SHANK2: variants seen among roughly 807,000 people sequenced by gnomAD.
SHANK2 encodes the protein SH3 and multiple ankyrin repeat domains protein 2.
SHANK2 carries 43 observed loss-of-function variants against 133.7 expected under a neutral mutation model. The observed-to-expected ratio is 0.32, with a 90% CI of 0.25 to 0.41. The LOEUF is 0.41. Ranked by LOEUF, SHANK2 falls within the 10% of genes least tolerant of loss-of-function variation. SHANK2 has a pLI of 1.00. For missense variants in SHANK2, 1,994 were observed against 2,235.8 expected (o/e 0.89, Z 2.18); for synonymous variants, 1,017 against 952.8 (o/e 1.07, Z -1.24).
At chr11:70,729,551 G>A (rs544944385) in intron 14 of SHANK2, among the ~76,000 whole-genome samples, 22 of 148,634 alleles carry the variant, frequency 1.5e-4, no homozygotes, top group African/African-American at 5.2e-4. Flanking sequence ...TTGAGATGGA[G>A]TCTCACTCTG....
chr11:70,555,750 C>T lies in SHANK2; in HGVS notation c.2062-52819G>A, dbSNP rs537489833. Among the ~76,000 whole-genome samples the T allele has an allele frequency of 3.9e-5, 6 of 152,190 alleles. No homozygotes were observed. The East Asian group carries it at 7.7e-4, about 20-fold the overall frequency. On this transcript the variant is annotated intron_variant, in intron 17 of 25. Transcript: ENST00000601538. Reference sequence around the variant, plus strand: ...CAAAAGAACAACAACAACAAAAAAGCGCTACTCCAGTGAACATACAAATTA... The same window carrying T: ...CAAAAGAACAACAACAACAAAAAAGTGCTACTCCAGTGAACATACAAATTA...
chr11:71,252,687 A>T (rs1462926929), upstream of SHANK2: 1 of 150,094 alleles, frequency 6.7e-6, no homozygotes, highest in Non-Finnish European at 1.5e-5. This position sits in a 1 kb window ranked among gnomAD's most constrained non-coding sequence, Gnocchi z 6.3. Flanking sequence ...CCCGACCTGG[A>T]CCCCCACCCC....
At chr11:70,689,646 T>G (rs1945233335) in intron 15 of SHANK2, among the ~76,000 whole-genome samples, 1 of 152,172 alleles carries the variant, frequency 6.6e-6, no homozygotes. Flanking sequence ...ACAGGAACAT[T>G]GAATAATGAG....
intron 11 of SHANK2, among the ~76,000 whole-genome samples, chr11:70,823,654 T>A (rs1156571248): frequency 8.1e-6 from 1 of 123,280 alleles, no homozygotes; most frequent in Non-Finnish European, 1.7e-5. Context: ...AGAGGTGGCA[T>A]TGGCAGAACT....
intron 14 of SHANK2, among the ~76,000 whole-genome samples, chr11:70,706,947 G>A (rs562078030): frequency 6.6e-6 from 1 of 152,276 alleles, no homozygotes; most frequent in African/African-American, 2.4e-5. Flanking sequence ...AGTGGCCTCT[G>A]ATCCTGCGCT....
chr11:70,666,405 G>A (rs956841790), intron 15 of SHANK2, among the ~76,000 whole-genome samples: 178 of 152,282 alleles, frequency 1.2e-3, no homozygotes, highest in Non-Finnish European at 1.7e-3. Flanking sequence ...GGTCTCACAC[G>A]CAGGCCTTAG....
intron 3 of SHANK2, among the ~76,000 whole-genome samples, chr11:71,126,773 C>T (rs554446703): frequency 1.9e-4 from 28 of 145,718 alleles, no homozygotes; most frequent in Non-Finnish European, 2.4e-4. Flanking sequence ...GTCACCCAGG[C>T]TGGAGTGCAG....
At chr11:71,217,112 G>A (rs1013724924) in intron 2 of SHANK2, among the ~76,000 whole-genome samples, 1 of 151,742 alleles carries the variant, frequency 6.6e-6, no homozygotes, top group African/African-American at 2.4e-5. Flanking sequence ...CAGAAGAATC[G>A]CTTGAACCCG....
At chr11:70,737,708 C>T (rs542814522) in intron 14 of SHANK2, among the ~76,000 whole-genome samples, 1 of 152,300 alleles carries the variant, frequency 6.6e-6, no homozygotes, top group African/African-American at 2.4e-5. Flanking sequence ...GCAGCCTCAG[C>T]CCCATCTGGA....
At chr11:71,127,924 AC>A (rs1178228774) in intron 3 of SHANK2, among the ~76,000 whole-genome samples, 1 of 151,744 alleles carries the variant, frequency 6.6e-6, no homozygotes, top group Admixed American at 6.6e-5. Context: ...GCTGCATACA[AC>A]CCCGCGCCCC....
chr11:70,773,601 CCTTT>C lies in SHANK2; in HGVS notation c.1777+24838_1777+24841del, dbSNP rs1382821661. On this transcript the variant is annotated intron_variant, in intron 14 of 25. Coordinates refer to ENST00000601538, the MANE Select transcript of SHANK2 (RefSeq NM_012309.5). ...AGTGATTTTAATTTTCTTCCTTATACCTTTCTTTATTTTCCAAATTTGCTACAGG... is the reference window on the plus strand; with the variant it reads ...AGTGATTTTAATTTTCTTCCTTATACCTTTATTTTCCAAATTTGCTACAGG... Among the ~76,000 whole-genome samples the C allele has an allele frequency of 3.9e-5, 6 of 152,288 alleles. No homozygotes were observed. The East Asian group carries it at 1.2e-3, about 29-fold the overall frequency.
intron 11 of SHANK2, among the ~76,000 whole-genome samples, chr11:70,842,757 CCCAGG>C (rs1164469523): frequency 4.6e-5 from 7 of 152,154 alleles, no homozygotes; most frequent in Admixed American, 1.3e-4. Flanking sequence ...GCTGGAGGCT[CCCAGG>C]GGGGTGGGAG....
At chr11:71,149,376 C>G (rs1952717677) in intron 2 of SHANK2, among the ~76,000 whole-genome samples, 1 of 152,186 alleles carries the variant, frequency 6.6e-6, no homozygotes, top group Admixed American at 6.5e-5. Context: ...GCTGCTGTTT[C>G]TTTCCTAAAG....
At chr11:71,100,111 A>G (rs1456090596) in intron 6 of SHANK2, among the ~76,000 whole-genome samples, 2 of 152,062 alleles carry the variant, frequency 1.3e-5, no homozygotes, top group East Asian at 3.9e-4. Flanking sequence ...GAACACTGAC[A>G]ACACCAAATG....
intron 17 of SHANK2, among the ~76,000 whole-genome samples, chr11:70,564,803 C>A (rs1213676294): frequency 6.6e-6 from 1 of 152,180 alleles, no homozygotes; most frequent in African/African-American, 2.4e-5. Flanking sequence ...ATCTCAGACA[C>A]TGTGGTTTTC....
chr11:71,192,929 G>T (rs1434252789), intron 2 of SHANK2, among the ~76,000 whole-genome samples: 1 of 152,188 alleles, frequency 6.6e-6, no homozygotes, highest in African/African-American at 2.4e-5. Context: ...CATCCTTAAT[G>T]GGGGAACCTT....
intron 17 of SHANK2, among the ~76,000 whole-genome samples, chr11:70,508,930 A>T (rs2059166188): frequency 6.6e-6 from 1 of 152,178 alleles, no homozygotes; most frequent in Admixed American, 6.5e-5. Context: ...AGAGATATGC[A>T]CACAGGGAGA....
chr11:71,111,617 G>A (rs961090917), intron 5 of SHANK2, among the ~76,000 whole-genome samples: 2 of 152,166 alleles, frequency 1.3e-5, no homozygotes, highest in Admixed American at 6.6e-5. Flanking sequence ...CACACAGAAG[G>A]GGGACAAATG....
intron 5 of SHANK2, among the ~76,000 whole-genome samples, chr11:71,110,477 C>T (rs534975968): frequency 7.9e-5 from 12 of 152,226 alleles, no homozygotes; most frequent in Admixed American, 1.3e-4. Context: ...GACGTGGTGG[C>T]ACATGTGATT....
Sources: allele counts gnomAD v4.1 joint callset (sites outside exome capture counted in the v4.1 genomes callset), GRCh38; gene constraint gnomAD v4.1.1; non-coding constraint Gnocchi (gnomAD v3.1); transcripts MANE v1.5; gene names NCBI Gene and HGNC (gene_info 2026-07-23, HGNC 2026-07-21).